Variants in FARP1 observed in about 807,000 individuals in gnomAD.
FARP1 encodes FERM, ARHGEF and pleckstrin domain-containing protein 1.
A neutral mutation model predicts 128.8 loss-of-function variants in FARP1; 52 were observed. That is an observed-to-expected ratio of 0.40 (90% CI 0.32 to 0.51). The LOEUF is 0.51. Ranked by LOEUF, FARP1 falls within the 20% of genes least tolerant of loss-of-function variation. The pLI, the probability that FARP1 is intolerant of heterozygous loss-of-function variation, is 0.45. For missense variants in FARP1, 1,333 were observed against 1,367.9 expected (o/e 0.97, Z 0.40); for synonymous variants, 580 against 551.8 (o/e 1.05, Z -0.72).
intron 2 of FARP1, among the ~76,000 whole-genome samples, chr13:98,279,703 G>C (rs998622557): frequency 1.3e-4 from 20 of 152,220 alleles, no homozygotes; most frequent in African/African-American, 3.9e-4. Flanking sequence ...TGCCCCAGGG[G>C]ATGTCAGGGA....
chr13:98,190,881 A>G (rs955544278), intron 1 of FARP1, among the ~76,000 whole-genome samples: 3 of 152,090 alleles, frequency 2.0e-5, no homozygotes, highest in African/African-American at 7.2e-5. Flanking sequence ...ATGAGTGATC[A>G]TTCCATGATT....
chr13:98,259,183 T>C (rs1403811765), intron 2 of FARP1, among the ~76,000 whole-genome samples: 1 of 152,158 alleles, frequency 6.6e-6, no homozygotes, highest in Non-Finnish European at 1.5e-5. Context: ...TGCATGCCAC[T>C]GTCACCCCTG....
At chr13:98,393,868 C>A in intron 12 of FARP1, 150 bp downstream of exon 12, 1 of 646,938 alleles carries the variant, frequency 1.5e-6, no homozygotes, top group Admixed American at 2.7e-5. Flanking sequence ...TGGCTTTGAC[C>A]AGATATAGGC....
At chr13:98,358,613 G>T (rs1401018233) in intron 3 of FARP1, among the ~76,000 whole-genome samples, 1 of 151,938 alleles carries the variant, frequency 6.6e-6, no homozygotes, top group Non-Finnish European at 1.5e-5. Context: ...TTATTACAAA[G>T]AATTCAAAGT....
chr13:98,446,056 C>A, intron 24 of FARP1, 42 bp from the exon 25 acceptor site: 1 of 1,348,950 alleles, frequency 7.4e-7, no homozygotes, highest in Non-Finnish European at 1.1e-6. Flanking sequence ...CCTCCTGGGG[C>A]AGGTGCCCGC....
intron 2 of FARP1, among the ~76,000 whole-genome samples, chr13:98,285,680 T>G (rs1311578732): frequency 6.6e-6 from 1 of 152,242 alleles, no homozygotes; most frequent in African/African-American, 2.4e-5. Context: ...ACAGGCAGCA[T>G]TCAAACGACT....
At chr13:98,367,270 C>T (rs1239021677) in intron 4 of FARP1, among the ~76,000 whole-genome samples, 1 of 152,106 alleles carries the variant, frequency 6.6e-6, no homozygotes, top group Non-Finnish European at 1.5e-5. Context: ...GAGTCTCATG[C>T]CTCAGCCTCC....
At chr13:98,231,324 AGCTTAGT>A (rs1882100736) in intron 2 of FARP1, among the ~76,000 whole-genome samples, 1 of 152,094 alleles carries the variant, frequency 6.6e-6, no homozygotes, top group Admixed American at 6.5e-5. Context: ...ACTCTGGACA[AGCTTAGT>A]GGCAGTCAAG....
chr13:98,368,124 G>A lies in FARP1; in HGVS notation c.327G>A (p.Lys109=). Residue 109 remains lysine, a synonymous_variant, in exon 5 of 27, where the codon AAG becomes AAA. Coordinates refer to ENST00000319562, the MANE Select transcript of FARP1 (RefSeq NM_005766.4). ...KPIVKQIRRP[K]HVVVKFVVKF... ...TTTTTTCTTCTTCTTTAGGGCCAAA[G>A]CACGTTGTTGTTAAGTTTGTGGTGA... The A allele has an allele frequency of 6.2e-7, 1 of 1,613,462 alleles. No individual in the cohort carries two copies. Among genetic ancestry groups the A allele is most frequent in the Admixed American group, 1.7e-5 (1 of 59,990 alleles).
At chr13:98,163,579 C>T (rs1262128406) in intron 1 of FARP1, among the ~76,000 whole-genome samples, 7 of 151,836 alleles carry the variant, frequency 4.6e-5, no homozygotes, top group African/African-American at 1.4e-4. Context: ...CTCTGTCACC[C>T]GGGCTGGAGT....
chr13:98,201,479 A>G (rs1879941845), intron 1 of FARP1, among the ~76,000 whole-genome samples: 1 of 152,194 alleles, frequency 6.6e-6, no homozygotes, highest in East Asian at 1.9e-4. Flanking sequence ...GCTTAGTGCC[A>G]GGAAGATACA....
intron 2 of FARP1, among the ~76,000 whole-genome samples, chr13:98,304,701 C>T (rs906108963): frequency 8.5e-5 from 13 of 152,290 alleles, no homozygotes; most frequent in African/African-American, 3.1e-4. Flanking sequence ...AAATTGTATG[C>T]GATGCTGATG....
intron 1 of FARP1, 22 bp from the exon 2 acceptor site, chr13:98,213,198 T>C: frequency 6.3e-7 from 1 of 1,588,444 alleles, no homozygotes; most frequent in Non-Finnish European, 8.6e-7. Context: ...GATGTGTTTT[T>C]CTTTCTCACT....
Position 98,448,556 on chromosome 13 carries a change from T to C in FARP1, c.*239T>C. ...GGCGCTGTTCTTTAGCTAGTGCCAGTATTAAAACATTGTCATTACGAGAGT... is the reference window on the plus strand; with the variant it reads ...GGCGCTGTTCTTTAGCTAGTGCCAGCATTAAAACATTGTCATTACGAGAGT... On this transcript the variant is annotated 3_prime_UTR_variant, in exon 27 of 27. Transcript: ENST00000319562. 1.9e-6 allele frequency: 1 copy of C among 521,142 alleles called. No homozygotes were observed. The highest frequency in any genetic ancestry group is 3.5e-5 in the Admixed American group (1 of 28,776). The allele number at this position is 521,142 out of a possible 1,614,324, so 32.3% of individuals were successfully genotyped here.
intron 16 of FARP1, among the ~76,000 whole-genome samples, chr13:98,418,898 T>C (rs1891487004): frequency 6.6e-6 from 1 of 152,190 alleles, no homozygotes; most frequent in African/African-American, 2.4e-5. Flanking sequence ...TGGATCCTCT[T>C]ATTCAATTCG....
intron 5 of FARP1, among the ~76,000 whole-genome samples, chr13:98,372,950 G>A (rs745395662): frequency 6.6e-6 from 1 of 152,188 alleles, no homozygotes; most frequent in Non-Finnish European, 1.5e-5. Context: ...AGTACTAAAG[G>A]TGTTGCAGAA....
Position 98,313,148 on chromosome 13 carries a change from G to A in FARP1, c.172-30614G>A, listed in dbSNP as rs906877685. Among the ~76,000 whole-genome samples the A allele has an allele frequency of 1.0e-4, 13 of 124,902 alleles. No individual in the cohort carries two copies. The South Asian group carries it at 1.7e-3, about 16-fold the overall frequency. 81.9% of individuals were successfully genotyped at this position (124,902 alleles called of 152,430 possible). ...CACACACACACACACACACTCACTC[G>A]AATCGGGTGGGTCATAATACACACA... On this transcript the variant is annotated intron_variant, in intron 2 of 26. Transcript: ENST00000319562.
rs777469353 is a variant in FARP1, at chr13:98,365,379, C to CT, written c.277-10dup. 3 of 1,602,830 alleles carry CT rather than the reference C, an allele frequency of 1.9e-6. No individual in the cohort carries two copies. The highest frequency in any genetic ancestry group is 2.6e-6 in the Non-Finnish European group (3 of 1,170,250). On this transcript the variant is annotated splice_polypyrimidine_tract_variant and intron_variant, in intron 3 of 26. Coordinates refer to ENST00000319562, the MANE Select transcript of FARP1 (RefSeq NM_005766.4). The stretch of plus-strand genomic sequence containing the variant: ...TTGAGAACTTAGGTCTTAATCTGTT[C>CT]TTTTTTCCCTTCTAGGTGTGGCTGG...
intron 2 of FARP1, among the ~76,000 whole-genome samples, chr13:98,225,171 C>T (rs899297421): frequency 6.6e-6 from 1 of 152,212 alleles, no homozygotes; most frequent in African/African-American, 2.4e-5. Flanking sequence ...TTAGCCTGAT[C>T]ATTTTTGTAA....
Sources: allele counts gnomAD v4.1 joint callset (sites outside exome capture counted in the v4.1 genomes callset), GRCh38; gene constraint gnomAD v4.1.1; transcripts MANE v1.5; gene names NCBI Gene and HGNC (gene_info 2026-07-23, HGNC 2026-07-21).